Variants in TAFA5 observed in about 807,000 individuals in gnomAD.
TAFA5 encodes the protein TAFA chemokine like family member 5.
A neutral mutation model predicts 15.3 loss-of-function variants in TAFA5; 6 were observed. That is an observed-to-expected ratio of 0.39 (90% CI 0.21 to 0.77). The LOEUF (loss-of-function observed/expected upper bound fraction) is 0.77. Ranked by LOEUF, TAFA5 falls within the 30% of genes least tolerant of loss-of-function variation. The pLI, the probability that TAFA5 is intolerant of heterozygous loss-of-function variation, is 0.41. For missense variants in TAFA5, 161 were observed against 193.1 expected (o/e 0.83, Z 0.98); for synonymous variants, 103 against 80.7 (o/e 1.28, Z -1.48).
intron 1 of TAFA5, among the ~76,000 whole-genome samples, chr22:48,540,416 T>C (rs1249837173): frequency 1.3e-5 from 2 of 152,066 alleles, no homozygotes; most frequent in Non-Finnish European, 2.9e-5. Flanking sequence ...TGCCCAGAAC[T>C]GACACCCGCC....
At chr22:48,549,287 C>T (rs1390959222) in intron 1 of TAFA5, among the ~76,000 whole-genome samples, 3 of 152,236 alleles carry the variant, frequency 2.0e-5, no homozygotes, top group Admixed American at 6.5e-5. Context: ...GATACCTGCT[C>T]ATCAGCGTGT....
At chr22:48,496,078 G>A (rs1928314101) in intron 1 of TAFA5, among the ~76,000 whole-genome samples, 1 of 152,250 alleles carries the variant, frequency 6.6e-6, no homozygotes, top group Non-Finnish European at 1.5e-5. Context: ...AAGGCATGGT[G>A]AGCTAGGCCA....
At chr22:48,651,538 C>T (rs928322075) in intron 2 of TAFA5, among the ~76,000 whole-genome samples, 3 of 151,906 alleles carry the variant, frequency 2.0e-5, no homozygotes, top group African/African-American at 7.3e-5. Flanking sequence ...GGGTTCTGGG[C>T]AGAGGTATGG....
At chr22:48,665,767 G>A (rs11204495) in intron 2 of TAFA5, among the ~76,000 whole-genome samples, 40,060 of 151,966 alleles carry the variant, frequency 0.26, 5,565 homozygotes, top group African/African-American at 0.35. Flanking sequence ...TGTCTCATCC[G>A]CTGAAAGCCG....
intron 1 of TAFA5, among the ~76,000 whole-genome samples, chr22:48,527,758 G>A (rs529099863): frequency 6.6e-6 from 1 of 152,316 alleles, no homozygotes; most frequent in East Asian, 1.9e-4. Context: ...GTCAGCCTCT[G>A]TCGTGTGGTT....
At chr22:48,728,054 G>C (rs1929761726) in intron 3 of TAFA5, among the ~76,000 whole-genome samples, 1 of 152,188 alleles carries the variant, frequency 6.6e-6, no homozygotes, top group South Asian at 2.1e-4. Flanking sequence ...GCAGTGCATA[G>C]ATCTTTTGAA....
At chr22:48,690,165 C>T (rs1928493930) in intron 2 of TAFA5, among the ~76,000 whole-genome samples, 1 of 152,124 alleles carries the variant, frequency 6.6e-6, no homozygotes, top group African/African-American at 2.4e-5. Context: ...CATTTGTCCT[C>T]AGCCTGCCAG....
intron 1 of TAFA5, among the ~76,000 whole-genome samples, chr22:48,583,424 C>T (rs370666925): frequency 0.21 from 30,546 of 147,974 alleles, 3,322 homozygotes; most frequent in Non-Finnish European, 0.23. Context: ...GCCACACACA[C>T]ACCACACACA....
intron 2 of TAFA5, among the ~76,000 whole-genome samples, chr22:48,650,881 G>T (rs1416757664): frequency 1.3e-5 from 2 of 152,176 alleles, no homozygotes; most frequent in Non-Finnish European, 2.9e-5. Context: ...CCCTGCTTCT[G>T]CTCCTTTCTA....
At chr22:48,695,262 T>A (rs528633007) in intron 2 of TAFA5, among the ~76,000 whole-genome samples, 2 of 152,254 alleles carry the variant, frequency 1.3e-5, no homozygotes, top group Admixed American at 1.3e-4. Context: ...ACCAGCCAGA[T>A]CTGGGAGACT....
At chr22:48,623,022 C>T (rs956669335) in intron 1 of TAFA5, among the ~76,000 whole-genome samples, 4 of 152,242 alleles carry the variant, frequency 2.6e-5, no homozygotes, top group Non-Finnish European at 4.4e-5. Flanking sequence ...TAACTCCAGA[C>T]GGCCCTCTCC....
intron 1 of TAFA5, among the ~76,000 whole-genome samples, chr22:48,634,939 C>G (rs1926392398): frequency 6.6e-6 from 1 of 152,072 alleles, no homozygotes; most frequent in African/African-American, 2.4e-5. Flanking sequence ...TGGTTTGTGT[C>G]CACACCAAAG....
chr22:48,638,134 T>C (rs1178022058), intron 1 of TAFA5, among the ~76,000 whole-genome samples: 3 of 152,080 alleles, frequency 2.0e-5, no homozygotes. Flanking sequence ...TGTCACCACG[T>C]CCTGGCAGTG....
chr22:48,616,645 T>C (rs554183750), intron 1 of TAFA5, among the ~76,000 whole-genome samples: 1 of 152,224 alleles, frequency 6.6e-6, no homozygotes, highest in Non-Finnish European at 1.5e-5. Flanking sequence ...CCGGATGGGC[T>C]GCACTTTGTC....
At chr22:48,738,713 G>C (rs939977516) in intron 3 of TAFA5, among the ~76,000 whole-genome samples, 2 of 152,262 alleles carry the variant, frequency 1.3e-5, no homozygotes, top group Non-Finnish European at 2.9e-5. Context: ...TCCCCGGGCA[G>C]GGTGTGTTAG....
chr22:48,592,754 G>A (rs1027876158), intron 1 of TAFA5, among the ~76,000 whole-genome samples: 8 of 151,102 alleles, frequency 5.3e-5, no homozygotes, highest in African/African-American at 1.9e-4. Flanking sequence ...TCTAGAGCAA[G>A]GAAGCCCTGT....
chr22:48,604,000 C>T (rs1265084641), intron 1 of TAFA5, among the ~76,000 whole-genome samples: 3 of 152,194 alleles, frequency 2.0e-5, no homozygotes, highest in African/African-American at 7.2e-5. Flanking sequence ...CGATGACACC[C>T]ACCCGGGAGT....
At chr22:48,658,771 G>A (rs965648999) in intron 2 of TAFA5, among the ~76,000 whole-genome samples, 4 of 152,216 alleles carry the variant, frequency 2.6e-5, no homozygotes, top group African/African-American at 9.6e-5. Flanking sequence ...CAGACCTAGG[G>A]CGTCGACGTG....
At chr22:48,633,582 A>G (rs907248129) in intron 1 of TAFA5, among the ~76,000 whole-genome samples, 2 of 128,238 alleles carry the variant, frequency 1.6e-5, no homozygotes, top group African/African-American at 3.0e-5. Flanking sequence ...TTTGCTCTGT[A>G]TCTCTCTCTT....
Sources: gnomAD v4.1 joint callset for allele counts (sites outside exome capture counted in the v4.1 genomes callset) on GRCh38, gnomAD v4.1.1 for gene constraint, MANE v1.5 for transcripts, NCBI Gene and HGNC (gene_info 2026-07-23, HGNC 2026-07-21) for gene names.